Variants in BIRC6 observed in about 807,000 individuals in gnomAD.
BIRC6 encodes baculoviral IAP repeat containing 6, also known as dual E2 ubiquitin-conjugating enzyme/E3 ubiquitin-protein ligase BIRC6.
In BIRC6, 98 loss-of-function variants were observed where a neutral mutation model predicts 503.3. That is an observed-to-expected ratio of 0.19 (90% CI 0.17 to 0.23). BIRC6 has a LOEUF of 0.23. Among genes scored for constraint, BIRC6 ranks in the 10% least tolerant of loss-of-function variants. The probability of loss-of-function intolerance (pLI) is 1.00; values close to 1 mark genes in which losing one functional copy is unlikely to be tolerated. For missense variants in BIRC6, 5,360 were observed against 5,806.0 expected, an observed-to-expected ratio of 0.92 and a Z score of 2.50; for synonymous variants, 2,240 against 2,078.7, an observed-to-expected ratio of 1.08 and a Z score of -2.11.
chr2:32,369,182 TC>T (rs1360393443), intron 1 of BIRC6, among the ~76,000 whole-genome samples: 1 of 152,174 alleles, frequency 6.6e-6, no homozygotes, highest in East Asian at 1.9e-4. Flanking sequence ...AGATAGATTT[TC>T]ATATTTGGAT....
At chr2:32,545,965 C>A in intron 63 of BIRC6, 105 bp downstream of exon 63, 1 of 984,510 alleles carries the variant, frequency 1.0e-6, no homozygotes, top group Non-Finnish European at 1.5e-6. Context: ...CTTGGGTGTT[C>A]CATTTTCACA....
At chr2:32,385,832 A>G (rs1252726822) in intron 3 of BIRC6, among the ~76,000 whole-genome samples, 1 of 152,100 alleles carries the variant, frequency 6.6e-6, no homozygotes, top group Admixed American at 6.6e-5. Flanking sequence ...TGGCTCCCAA[A>G]TCCAAGTAGG....
At chr2:32,373,284 A>T (rs1202855992) in intron 1 of BIRC6, among the ~76,000 whole-genome samples, 2 of 152,234 alleles carry the variant, frequency 1.3e-5, no homozygotes, top group African/African-American at 2.4e-5. Flanking sequence ...TAAATAGTTC[A>T]ACATAATCTT....
intron 1 of BIRC6, among the ~76,000 whole-genome samples, chr2:32,371,824 G>GTTTGTTTGTGTTT (rs2036005507): frequency 6.6e-6 from 1 of 151,844 alleles, no homozygotes; most frequent in South Asian, 2.1e-4. Flanking sequence ...TTTGTGTTTT[G>GTTTGTTTGTGTTT]AGACAGAGTC....
rs182761597 is a variant in BIRC6 at position 32,360,394 on chromosome 2, A to G, written c.325+2908A>G. Among the ~76,000 whole-genome samples, 96 of 152,354 alleles carry G rather than the reference A, an allele frequency of 6.3e-4. No homozygotes were observed. In the South Asian group the frequency reaches 8.5e-3, roughly 13 times the overall value. On this transcript the variant is annotated intron_variant, in intron 1 of 73. Transcript: ENST00000421745. ...GATTAAGAGCTATCAGTATATACAC[A>G]GGCTGGGTAAGTATTTGCTCCCTGT...
intron 71 of BIRC6, among the ~76,000 whole-genome samples, chr2:32,607,099 A>G (rs911622569): frequency 6.6e-6 from 1 of 151,924 alleles, no homozygotes; most frequent in African/African-American, 2.4e-5. Flanking sequence ...TTAAACTCAT[A>G]AAACAACTAA....
At chr2:32,476,678 T>C (rs191698275) in intron 34 of BIRC6, among the ~76,000 whole-genome samples, 13 of 152,302 alleles carry the variant, frequency 8.5e-5, no homozygotes, top group Admixed American at 7.8e-4. Flanking sequence ...GCAAATATTA[T>C]TGTATCAGCC....
rs781266396 is a variant in BIRC6 at position 32,478,674 on chromosome 2, C to T, written c.7108C>T (p.His2370Tyr). The change falls in exon 36 of 74, where the codon CAT becomes TAT. Residue 2370 changes from histidine to tyrosine, a missense_variant. Around this residue, in one of 16 missense-constraint regions of BIRC6, gnomAD observed 2,299 missense variants for 2,267.2 expected, o/e 1.01. Coordinates refer to ENST00000421745, the MANE Select transcript of BIRC6 (RefSeq NM_016252.4). ...RIANATRPTI[H>Y]LCEIVNEPQL... ...TGCAAATGCCACGAGGCCAACTATT[C>T]ATCTGTGTGAGATTGTGAACGAACC... The T allele has an allele frequency of 6.2e-7, 1 of 1,613,706 alleles. No homozygotes were observed. Among genetic ancestry groups the T allele is most frequent in the Non-Finnish European group, 8.5e-7 (1 of 1,179,782 alleles).
chr2:32,563,834 T>G (rs1309167930), intron 65 of BIRC6: 1 of 152,134 alleles, frequency 6.6e-6, no homozygotes, highest in Non-Finnish European at 1.5e-5. Flanking sequence ...ATCCCAGCAC[T>G]TTGGGAGGCC....
intron 1 of BIRC6, among the ~76,000 whole-genome samples, chr2:32,374,255 G>T (rs2036398442): frequency 6.6e-6 from 1 of 151,720 alleles, no homozygotes; most frequent in Non-Finnish European, 1.5e-5. Flanking sequence ...CATATCTCTT[G>T]ACTCTATTTT....
In BIRC6 at chr2:32,500,070, C is replaced by G; in HGVS notation, c.8992C>G (p.Leu2998Val). 1 of 1,613,612 alleles carries G rather than the reference C, an allele frequency of 6.2e-7. No homozygotes were observed. The highest frequency in any genetic ancestry group is 1.7e-4 in the Middle Eastern group (1 of 6,060). ...QQIMSQILSA[L>V]GLCNSSAMAM... is the part of the protein sequence containing the mutation. ...AATTATGAGCCAGATTTTGTCTGCT[C>G]TGGGCCTGTGTAATAGCAGTGCCAT... The change falls in exon 46 of 74, where the codon CTG (leucine) becomes GTG (valine). Residue 2998 changes from leucine to valine, a missense_variant. Physicochemically the swap from Leu to Val is conservative, Grantham distance 32 (BLOSUM62 1). Transcript: ENST00000421745.
In BIRC6 at chr2:32,471,804, G is replaced by A. The variant is rs72867281; in HGVS notation, c.6592+680G>A. ...GTAAGCCTACATATGCTTACATATG[G>A]CTTACATGTAGTATGTAAGCCATTG... is the stretch of plus-strand genomic sequence containing the variant. On this transcript the variant is annotated intron_variant, in intron 32 of 73. Transcript: ENST00000421745. Among the ~76,000 whole-genome samples, 1,346 of 152,026 alleles carry A rather than the reference G, an allele frequency of 8.9e-3. 15 individuals carry two copies. Among genetic ancestry groups the A allele is most frequent in the African/African-American group, 0.031 (1,285 of 41,472 alleles).
chr2:32,361,931 C>G (rs1466896385), intron 1 of BIRC6, among the ~76,000 whole-genome samples: 1 of 152,210 alleles, frequency 6.6e-6, no homozygotes, highest in African/African-American at 2.4e-5. Flanking sequence ...TATCCATTCA[C>G]ATACCGGAGG....
intron 10 of BIRC6, among the ~76,000 whole-genome samples, chr2:32,420,287 T>G (rs1016548771): frequency 6.6e-6 from 1 of 152,214 alleles, no homozygotes; most frequent in Non-Finnish European, 1.5e-5. Context: ...ATAATTGGTC[T>G]TATTTTTCCT....
chr2:32,429,394 G>A (rs1453935337), intron 11 of BIRC6, 99 bp downstream of exon 11: 36 of 929,918 alleles, frequency 3.9e-5, no homozygotes, highest in Non-Finnish European at 5.3e-5. Flanking sequence ...AGTAAGAAGT[G>A]ATTCTCAACC....
rs753962669 is a variant in BIRC6 at position 32,510,613 on chromosome 2, A to G, written c.10325A>G (p.Gln3442Arg). The G allele has an allele frequency of 2.5e-6, 4 of 1,600,614 alleles. No homozygotes were observed. Among genetic ancestry groups the G allele is most frequent in the Non-Finnish European group, 3.4e-6 (4 of 1,167,914 alleles). The change falls in exon 53 of 74, where the codon CAG becomes CGG. Residue 3442 changes from glutamine (Q) to arginine (R), a missense_variant. Coordinates refer to ENST00000421745, the MANE Select transcript of BIRC6 (RefSeq NM_016252.4). ...IDILYQLGTT[Q>R]DPGTKDRIQA... is the part of the protein sequence containing the mutation. ...ATTCTTTACCAGCTTGGAACAACTC[A>G]GGATCCTGGTACAAAAGACAGGTAC...
At position 32,547,856 on chromosome 2, in the gene BIRC6, G is replaced by T. The variant is rs747967000; in HGVS notation, c.12817G>T (p.Val4273Leu). The change falls in exon 64 of 74, where the codon GTG becomes TTG. Residue 4273 changes from valine (V) to leucine (L), a missense_variant. Physicochemically the swap from Val to Leu is conservative, Grantham distance 32. This residue lies in a region of BIRC6 where 477 missense variants were observed against 574.4 expected (regional missense o/e 0.83). Coordinates refer to ENST00000421745, the MANE Select transcript of BIRC6 (RefSeq NM_016252.4). Reference sequence around the variant, plus strand: ...CATTTTTTGTTATTTTAAGCCACAGGTGTCAAGCTCTCATAACCCTACATC... The same window carrying T: ...CATTTTTTGTTATTTTAAGCCACAGTTGTCAAGCTCTCATAACCCTACATC... Reference protein sequence around the residue: ...NSSVNQTEPQVSSSHNPTSTE... With the variant: ...NSSVNQTEPQLSSSHNPTSTE... 1 of 1,562,272 alleles carries T rather than the reference G, an allele frequency of 6.4e-7. No homozygotes were observed. Among genetic ancestry groups the T allele is most frequent in the Non-Finnish European group, 8.6e-7 (1 of 1,159,840 alleles).
chr2:32,388,824 G>A lies in BIRC6; in HGVS notation c.720G>A (p.Lys240=). The A allele has an allele frequency of 6.2e-7, 1 of 1,613,384 alleles. No homozygotes were observed. The highest frequency in any genetic ancestry group is 1.1e-5 in the South Asian group (1 of 91,014). The change falls in exon 4 of 74, where the codon AAG becomes AAA. Residue 240 remains lysine (K), a synonymous_variant. Transcript: ENST00000421745. ...SIASAIVNEL[K]KINQNVAALP... The stretch of plus-strand genomic sequence containing the variant: ...CCAGTGCCATTGTAAATGAACTCAA[G>A]AAAATAAATCAAAATGTTGCTGCCT...
chr2:32,553,064 G>A (rs901864701), intron 65 of BIRC6, among the ~76,000 whole-genome samples: 5 of 148,916 alleles, frequency 3.4e-5, no homozygotes, highest in African/African-American at 1.2e-4. Context: ...AGATGTGGTG[G>A]CACATGCCTG....
Sources: allele counts gnomAD v4.1 joint callset (sites outside exome capture counted in the v4.1 genomes callset), GRCh38; gene constraint gnomAD v4.1.1; regional missense constraint gnomAD v4.1.1; transcripts MANE v1.5; gene names NCBI Gene and HGNC (gene_info 2026-07-23, HGNC 2026-07-21).